AKAP13: variants seen among roughly 807,000 people sequenced by gnomAD.
The protein encoded by AKAP13 is A-kinase anchoring protein 13, also known as A-kinase anchor protein 13.
AKAP13 carries 80 observed loss-of-function variants against 264.5 expected under a neutral mutation model. The observed-to-expected ratio is 0.30, with a 90% CI of 0.25 to 0.36. The LOEUF is 0.36. Among genes scored for constraint, AKAP13 ranks in the 10% least tolerant of loss-of-function variants. AKAP13 has a pLI of 1.00. For missense variants in AKAP13, 3,712 were observed against 3,435.2 expected (o/e 1.08, Z -2.01); for synonymous variants, 1,380 against 1,250.2 (o/e 1.10, Z -2.19).
At chr15:85,662,536 G>T (rs189984864) in intron 12 of AKAP13, 3 of 1,519,270 alleles carry the variant, frequency 2.0e-6, no homozygotes, top group Admixed American at 1.7e-5. Flanking sequence ...GCTGGCTTCT[G>T]TGTGGCTGGG....
chr15:85,708,157 A>G lies in AKAP13; in HGVS notation c.5532+71A>G. ...ACCAGCAAAATCCTCGGGAGTTGGG[A>G]GAGTTGAGGTTGTGGTGGATTTTGT... On this transcript the variant is annotated intron_variant, in intron 18 of 36. Coordinates refer to ENST00000394518, the MANE Select transcript of AKAP13 (RefSeq NM_007200.5). This position sits in a 1 kb window ranked among gnomAD's most constrained non-coding sequence, Gnocchi z 4.3. 6.9e-7 allele frequency: 1 copy of G among 1,441,742 alleles called. No homozygotes were observed. Among genetic ancestry groups the G allele is most frequent in the Non-Finnish European group, 9.6e-7 (1 of 1,039,582 alleles). 89.3% of individuals were successfully genotyped at this position (1,441,742 alleles called of 1,614,324 possible). A position where few individuals can be genotyped will look rare whatever the true frequency, so the allele number is the denominator to read the frequency against.
At position 85,600,860 on chromosome 15, in the gene AKAP13, T is replaced by C. The variant is rs570434442; in HGVS notation, c.4161+15037T>C. ...ATTGTGTCTGTGGCTCTTCCTAATA[T>C]CACTTTCCCCAGGAGTGGGAAGACC... On this transcript the variant is annotated intron_variant, in intron 8 of 36. Transcript: ENST00000394518. 3.9e-5 allele frequency among the ~76,000 whole-genome samples: 6 copies of C among 152,308 alleles called. No individual in the cohort carries two copies. In the South Asian group the frequency reaches 6.2e-4, roughly 16 times the overall value.
intron 1 of AKAP13, among the ~76,000 whole-genome samples, chr15:85,421,584 TGC>T (rs751057149): frequency 6.6e-6 from 1 of 152,274 alleles, no homozygotes; most frequent in Non-Finnish European, 1.5e-5. Context: ...TGTGCGCGTG[TGC>T]GCGCGCGCCT....
intron 8 of AKAP13, among the ~76,000 whole-genome samples, chr15:85,595,338 A>T (rs2079770884): frequency 6.6e-6 from 1 of 151,570 alleles, no homozygotes; most frequent in East Asian, 1.9e-4. Context: ...GGACTCAGTG[A>T]CCCTCCCACC....
intron 8 of AKAP13, among the ~76,000 whole-genome samples, chr15:85,587,022 A>G (rs75563576): frequency 2.8e-4 from 43 of 152,314 alleles, no homozygotes; most frequent in African/African-American, 1.0e-3. Context: ...ATACCATAAA[A>G]TCCACCCAAT....
chr15:85,642,642 C>A (rs2151481429), intron 9 of AKAP13, among the ~76,000 whole-genome samples: 1 of 152,320 alleles, frequency 6.6e-6, no homozygotes, highest in African/African-American at 2.4e-5. Context: ...CCCTCCTCAA[C>A]AGTCAGCTTT....
At chr15:85,680,594 A>G (rs1457689158) in intron 14 of AKAP13, among the ~76,000 whole-genome samples, 1 of 152,134 alleles carries the variant, frequency 6.6e-6, no homozygotes, top group Non-Finnish European at 1.5e-5. Context: ...GCCAGGTGCA[A>G]TGGCTCACCC....
chr15:85,417,356 A>C (rs549282776), intron 1 of AKAP13, among the ~76,000 whole-genome samples: 1 of 152,326 alleles, frequency 6.6e-6, no homozygotes, highest in East Asian at 1.9e-4. Flanking sequence ...TGACCAAAGG[A>C]ATCTTTCTGA....
intron 10 of AKAP13, among the ~76,000 whole-genome samples, chr15:85,648,942 C>G (rs1449852666): frequency 6.6e-6 from 1 of 152,176 alleles, no homozygotes; most frequent in African/African-American, 2.4e-5. Context: ...TTGAGAATGT[C>G]TGCATGGCCT....
intron 11 of AKAP13, among the ~76,000 whole-genome samples, chr15:85,656,737 C>T (rs537139465): frequency 6.4e-4 from 98 of 152,298 alleles, no homozygotes; most frequent in African/African-American, 2.2e-3. Context: ...CGTGAGCCAG[C>T]GCGCCTGGCC....
At position 85,419,445 on chromosome 15, in the gene AKAP13, C is replaced by T. The variant is rs16978004; in HGVS notation, c.-12+38647C>T. Among the ~76,000 whole-genome samples, 147 of 152,276 alleles carry T rather than the reference C, an allele frequency of 9.7e-4. 1 individual carries two copies. The highest frequency in any genetic ancestry group is 3.7e-3 in the East Asian group (19 of 5,186). ...ACGTGGCCGCTGATACATTGTGTAT[C>T]ATTCTGGAAAACAATTGTATGTCAC... is the stretch of plus-strand genomic sequence containing the variant. On this transcript the variant is annotated intron_variant, in intron 1 of 36. Coordinates refer to ENST00000394518, the MANE Select transcript of AKAP13 (RefSeq NM_007200.5).
chr15:85,503,224 A>AT (rs987914590), intron 2 of AKAP13, among the ~76,000 whole-genome samples: 2 of 152,216 alleles, frequency 1.3e-5, no homozygotes, highest in Admixed American at 1.3e-4. Context: ...CATTTCAGAT[A>AT]TGGGATTATA....
intron 13 of AKAP13, among the ~76,000 whole-genome samples, chr15:85,666,319 G>A (rs887614417): frequency 1.3e-5 from 2 of 151,636 alleles, no homozygotes; most frequent in Non-Finnish European, 2.9e-5. Flanking sequence ...CTGCATAAAT[G>A]TCTTCTTTTG....
At chr15:85,464,971 TGCTCTGTCGCCCAG>T (rs2074668320) in intron 1 of AKAP13, among the ~76,000 whole-genome samples, 1 of 152,172 alleles carries the variant, frequency 6.6e-6, no homozygotes, top group East Asian at 1.9e-4. Flanking sequence ...GATGGAGCCT[TGCTCTGTCGCCCAG>T]GCTGGAGTGC....
At chr15:85,450,839 G>T (rs756162525) in intron 1 of AKAP13, among the ~76,000 whole-genome samples, 1 of 152,242 alleles carries the variant, frequency 6.6e-6, no homozygotes, top group Admixed American at 6.5e-5. Flanking sequence ...TGTTGCTTTT[G>T]GTTGGAGACT....
rs2079133994 is a variant in AKAP13, at chr15:85,580,986, C to G, written c.2918C>G (p.Ala973Gly). ...GAAAAATCAATCTCAGCTGACTGTGCCAAGGACAAAGCACTTCAGCTAAGT... is the reference window on the plus strand; with the variant it reads ...GAAAAATCAATCTCAGCTGACTGTGGCAAGGACAAAGCACTTCAGCTAAGT... The part of the protein sequence containing the change: ...FHEKSISADC[A>G]KDKALQLSNS... Residue 973 changes from alanine (A) to glycine (G), a missense_variant, in exon 7 of 37, where the codon GCC (alanine) becomes GGC (glycine). By Grantham distance (60) the Ala-to-Gly change is moderately conservative. Coordinates refer to ENST00000394518, the MANE Select transcript of AKAP13 (RefSeq NM_007200.5). 6.2e-7 allele frequency: 1 copy of G among 1,613,962 alleles called. No individual in the cohort carries two copies. Among genetic ancestry groups the G allele is most frequent in the Admixed American group, 1.7e-5 (1 of 60,018 alleles).
At chr15:85,415,684 T>C in intron 1 of AKAP13, 1 of 985,742 alleles carries the variant, frequency 1.0e-6, no homozygotes, top group East Asian at 2.4e-5. Flanking sequence ...ATGACCAAGC[T>C]CAGTTCAATG....
At chr15:85,464,977 G>C (rs1391551280) in intron 1 of AKAP13, among the ~76,000 whole-genome samples, 1 of 152,042 alleles carries the variant, frequency 6.6e-6, no homozygotes, top group East Asian at 1.9e-4. Flanking sequence ...GCCTTGCTCT[G>C]TCGCCCAGGC....
rs749101689 is a variant in AKAP13 at position 85,521,487 on chromosome 15, G to A, written c.93G>A (p.Val31=). Residue 31 remains valine, a synonymous_variant, in exon 3 of 37, where the codon GTG becomes GTA. Transcript: ENST00000394518. ...AEEDKAEDDV[V]FYLVFLGSTL... ...AGGACAAAGCTGAAGATGATGTAGT[G>A]TTTTACTTGGTATTTTTGGGTTCCA... 1.3e-5 allele frequency: 21 copies of A among 1,614,118 alleles called. No homozygotes were observed. The East Asian group carries it at 4.7e-4, about 36-fold the overall frequency.
Sources: allele counts gnomAD v4.1 joint callset (sites outside exome capture counted in the v4.1 genomes callset), GRCh38; gene constraint gnomAD v4.1.1; non-coding constraint Gnocchi (gnomAD v3.1); transcripts MANE v1.5; gene names NCBI Gene and HGNC (gene_info 2026-07-23, HGNC 2026-07-21).